Variants in TRAF3IP1 observed in about 807,000 individuals in gnomAD.
The protein encoded by TRAF3IP1 is intraflagellar transport 54.
TRAF3IP1 carries 53 observed loss-of-function variants against 89.9 expected under a neutral mutation model. That is an observed-to-expected ratio of 0.59 (90% CI 0.47 to 0.74). The LOEUF is 0.74. TRAF3IP1 is among the 30% of genes least tolerant of loss of function. The pLI is 0.00. For synonymous variants in TRAF3IP1, 311 were observed against 322.1 expected, an observed-to-expected ratio of 0.97 and a Z score of 0.37; for missense variants, 806 against 866.1, an observed-to-expected ratio of 0.93 and a Z score of 0.87.
rs139586363 is a variant in TRAF3IP1, at chr2:238,395,164, G to A, written c.1690-2295G>A. Among the ~76,000 whole-genome samples, 34 of 152,222 alleles carry A rather than the reference G, an allele frequency of 2.2e-4. No homozygotes were observed. The East Asian group carries it at 6.6e-3, about 29-fold the overall frequency. ...GAGGATCACTTGAGCCCAGGAGTTT[G>A]AGAGTAGCCTGGGCAACATAGTGAG... On this transcript the variant is annotated intron_variant, in intron 15 of 16. Coordinates refer to ENST00000373327, the MANE Select transcript of TRAF3IP1 (RefSeq NM_015650.4).
At position 238,397,512 on chromosome 2, in the gene TRAF3IP1, G is replaced by A. The variant is rs769447347; in HGVS notation, c.1743G>A (p.Lys581=). 64 of 1,613,016 alleles carry A rather than the reference G, an allele frequency of 4.0e-5. No individual in the cohort carries two copies. The highest frequency in any genetic ancestry group is 5.2e-5 in the Non-Finnish European group (61 of 1,179,960). ...AWKKEKDIVS[K]EIEKLRTSIQ... ...AGAAGGAGAAGGACATCGTTTCCAA[G>A]GAGATAGAGAAGCTCCGCACGTCCA... The change falls in exon 16 of 17, where the codon AAG becomes AAA. Residue 581 remains lysine, a synonymous_variant. Coordinates refer to ENST00000373327, the MANE Select transcript of TRAF3IP1 (RefSeq NM_015650.4).
chr2:238,393,874 A>G (rs983604031), intron 15 of TRAF3IP1, among the ~76,000 whole-genome samples: 2 of 152,200 alleles, frequency 1.3e-5, no homozygotes, highest in East Asian at 1.9e-4. Flanking sequence ...CCCTCTGTCA[A>G]TACTGCACTG....
chr2:238,341,255 C>T (rs2106381420), intron 8 of TRAF3IP1, among the ~76,000 whole-genome samples: 1 of 150,912 alleles, frequency 6.6e-6, no homozygotes, highest in Non-Finnish European at 1.5e-5. Flanking sequence ...CTCCTGGGCT[C>T]AAGTGATCCT....
intron 6 of TRAF3IP1, 58 bp from the exon 7 acceptor site, chr2:238,333,902 C>G: frequency 7.2e-7 from 1 of 1,380,340 alleles, no homozygotes; most frequent in Non-Finnish European, 1.0e-6. Context: ...AATAAACCTG[C>G]TTATGATACT....
chr2:238,396,270 G>A lies in TRAF3IP1; in HGVS notation c.1690-1189G>A, dbSNP rs934722670. Among the ~76,000 whole-genome samples, 351 of 151,238 alleles carry A rather than the reference G, an allele frequency of 2.3e-3. 1 individual carries two copies. The highest frequency in any genetic ancestry group is 8.2e-3 in the African/African-American group (340 of 41,220). ...TAGAAACCATCATTCTCAGCAAACT[G>A]TCGCAAGGACAAAAAACCAAACACT... On this transcript the variant is annotated intron_variant, in intron 15 of 16. Coordinates refer to ENST00000373327, the MANE Select transcript of TRAF3IP1 (RefSeq NM_015650.4).
chr2:238,365,945 T>C (rs1699854789), intron 15 of TRAF3IP1, among the ~76,000 whole-genome samples: 1 of 152,170 alleles, frequency 6.6e-6, no homozygotes, highest in South Asian at 2.1e-4. Context: ...CCCCATTATC[T>C]TATAAAAAAT....
At chr2:238,331,140 A>G (rs554409419) in intron 5 of TRAF3IP1, among the ~76,000 whole-genome samples, 2 of 152,088 alleles carry the variant, frequency 1.3e-5, no homozygotes, top group Admixed American at 6.5e-5. Context: ...TGGCTTTTTA[A>G]GTAGAGAGAA....
At chr2:238,339,561 A>G (rs944264630) in intron 8 of TRAF3IP1, among the ~76,000 whole-genome samples, 1 of 152,256 alleles carries the variant, frequency 6.6e-6, no homozygotes, top group Non-Finnish European at 1.5e-5. Context: ...CCAGCTAGCT[A>G]GGACCTCATC....
At chr2:238,355,034 A>G (rs1699348170) in intron 14 of TRAF3IP1, among the ~76,000 whole-genome samples, 1 of 151,750 alleles carries the variant, frequency 6.6e-6, no homozygotes, top group African/African-American at 2.4e-5. Flanking sequence ...ACCCTGTTTT[A>G]AAGTTGTGAA....
chr2:238,324,602 ATTTTCTTT>A (rs1271583363), intron 1 of TRAF3IP1, among the ~76,000 whole-genome samples: 2 of 150,304 alleles, frequency 1.3e-5, no homozygotes, highest in Admixed American at 6.6e-5. Flanking sequence ...GTGGACTTTC[ATTTTCTTT>A]TTTTCTTTTT....
intron 15 of TRAF3IP1, among the ~76,000 whole-genome samples, chr2:238,396,976 C>A (rs1230166766): frequency 1.3e-5 from 2 of 152,224 alleles, no homozygotes; most frequent in African/African-American, 4.8e-5. Flanking sequence ...CTTTGGGTTT[C>A]TTTCCCCTTG....
At chr2:238,361,472 G>T (rs1699657172) in intron 15 of TRAF3IP1, among the ~76,000 whole-genome samples, 1 of 152,054 alleles carries the variant, frequency 6.6e-6, no homozygotes, top group Admixed American at 6.5e-5. Flanking sequence ...TATCCTGGTT[G>T]TAAAGGTAGT....
chr2:238,324,478 G>A (rs1341847200), intron 1 of TRAF3IP1, among the ~76,000 whole-genome samples: 1 of 152,160 alleles, frequency 6.6e-6, no homozygotes, highest in Non-Finnish European at 1.5e-5. Flanking sequence ...ATGTCCCTGA[G>A]TGGCTTCACA....
chr2:238,329,192 G>C lies in TRAF3IP1; in HGVS notation c.765G>C (p.Gly255=), dbSNP rs754279984. ...RKKETERKSE[G]GKEKERLRDR... Reference sequence around the variant, plus strand: ...AGGAGACAGAGAGAAAGAGTGAGGGGGGGAAAGAGAAGGAGAGACTGAGAG... The same window carrying C: ...AGGAGACAGAGAGAAAGAGTGAGGGCGGGAAAGAGAAGGAGAGACTGAGAG... The change falls in exon 5 of 17, where the codon GGG becomes GGC. Residue 255 remains glycine, a synonymous_variant. Transcript: ENST00000373327. The C allele has an allele frequency of 6.4e-7, 1 of 1,568,950 alleles. No homozygotes were observed. Among genetic ancestry groups the C allele is most frequent in the African/African-American group, 1.4e-5 (1 of 72,842 alleles).
At chr2:238,391,299 A>G (rs914893690) in intron 15 of TRAF3IP1, among the ~76,000 whole-genome samples, 2 of 152,200 alleles carry the variant, frequency 1.3e-5, no homozygotes, top group African/African-American at 4.8e-5. Context: ...GCAGTCATCT[A>G]ATTCCTGTGT....
Position 238,334,006 on chromosome 2 carries a change from C to CA in TRAF3IP1, c.1038dup (p.Arg347ThrfsTer14). The CA allele has an allele frequency of 6.2e-7, 1 of 1,610,766 alleles. No individual in the cohort carries two copies. Among genetic ancestry groups the CA allele is most frequent in the Non-Finnish European group, 8.5e-7 (1 of 1,178,402 alleles). The stretch of plus-strand genomic sequence containing the variant: ...TCCAAGTCATTGACAACAAAAACAT[C>CA]AAAACGGCGATCCAAAAATTCAGTG... On this transcript the variant is annotated frameshift_variant, in exon 7 of 17. Transcript: ENST00000373327. LOFTEE classifies it high-confidence loss of function.
chr2:238,388,593 C>CTTTTT lies in TRAF3IP1; in HGVS notation c.1690-8848_1690-8844dup, dbSNP rs752954955. Among the ~76,000 whole-genome samples the CTTTTT allele has an allele frequency of 7.7e-5, 8 of 104,186 alleles. 1 individual carries two copies. Among genetic ancestry groups the CTTTTT allele is most frequent in the East Asian group, 2.8e-4 (1 of 3,588 alleles). 68.4% of individuals were successfully genotyped at this position (104,186 alleles called of 152,430 possible). A position where few individuals can be genotyped will look rare whatever the true frequency, so the allele number is the denominator to read the frequency against. The stretch of plus-strand genomic sequence containing the variant: ...ATTCCTCTGTTTATGAAGAACACAA[C>CTTTTT]TTTTTTTTTTTTTTTTTTTTTTGAG... On this transcript the variant is annotated intron_variant, in intron 15 of 16. Coordinates refer to ENST00000373327, the MANE Select transcript of TRAF3IP1 (RefSeq NM_015650.4).
intron 15 of TRAF3IP1, among the ~76,000 whole-genome samples, chr2:238,394,367 G>A (rs560718582): frequency 2.6e-5 from 4 of 152,264 alleles, no homozygotes; most frequent in East Asian, 1.9e-4. Context: ...CATGCGTATC[G>A]GTTTGGGGAA....
intron 14 of TRAF3IP1, among the ~76,000 whole-genome samples, chr2:238,354,949 C>G (rs1363752645): frequency 6.6e-6 from 1 of 151,040 alleles, no homozygotes; most frequent in African/African-American, 2.4e-5. Flanking sequence ...AAGCCCAGCC[C>G]AAGGACTTTT....
Sources: gnomAD v4.1 joint callset for allele counts (sites outside exome capture counted in the v4.1 genomes callset) on GRCh38, gnomAD v4.1.1 for gene constraint, MANE v1.5 for transcripts, NCBI Gene and HGNC (gene_info 2026-07-23, HGNC 2026-07-21) for gene names.